ACOX1: variants seen among roughly 807,000 people sequenced by gnomAD.
The protein encoded by ACOX1 is peroxisomal acyl-coenzyme A oxidase 1.
ACOX1 carries 41 observed loss-of-function variants against 75.5 expected under a neutral mutation model. The observed-to-expected ratio is 0.54, with a 90% CI of 0.42 to 0.70. The LOEUF (loss-of-function observed/expected upper bound fraction) is 0.70, where lower values mean the gene tolerates loss of function less well. Ranked by LOEUF, ACOX1 falls within the 30% of genes least tolerant of loss-of-function variation. The pLI is 0.00. For synonymous variants in ACOX1, 303 were observed against 298.8 expected, an observed-to-expected ratio of 1.01 and a Z score of -0.15; for missense variants, 630 against 837.5, an observed-to-expected ratio of 0.75 and a Z score of 3.06.
At chr17:75,974,052 A>G (rs983679543) in intron 2 of ACOX1, among the ~76,000 whole-genome samples, 1 of 152,012 alleles carries the variant, frequency 6.6e-6, no homozygotes, top group Non-Finnish European at 1.5e-5. Context: ...AATTCTACCT[A>G]AGTTTTAGCA....
chr17:75,961,847 T>C (rs2065891663), intron 2 of ACOX1, among the ~76,000 whole-genome samples: 1 of 151,478 alleles, frequency 6.6e-6, no homozygotes, highest in Non-Finnish European at 1.5e-5. Context: ...CTACTTGGGA[T>C]GCTGAGGCAG....
intron 4 of ACOX1, 125 bp downstream of exon 4, chr17:75,957,334 G>C (rs1244657250): frequency 2.3e-6 from 2 of 860,212 alleles, no homozygotes; most frequent in Non-Finnish European, 3.9e-6. Flanking sequence ...GCCCACCTCA[G>C]CCTCCCAAAG....
At chr17:75,971,089 C>T (rs532158008) in intron 2 of ACOX1, among the ~76,000 whole-genome samples, 33 of 151,804 alleles carry the variant, frequency 2.2e-4, no homozygotes, top group Non-Finnish European at 4.0e-4. Context: ...GTCGGGAGTT[C>T]GAGACCAGCC....
rs1449739693 is a variant in ACOX1, at chr17:75,946,724, G to A, written c.*24C>T. The A allele has an allele frequency of 1.2e-6, 2 of 1,611,728 alleles. No individual in the cohort carries two copies. The highest frequency in any genetic ancestry group is 1.7e-6 in the Non-Finnish European group (2 of 1,177,964). On this transcript the variant is annotated 3_prime_UTR_variant, in exon 14 of 14. Transcript: ENST00000293217. ...TTGCACACAGGCGCTTTCTGAAGCAGATTAAACTTGTCCTTGTGACACTTC... is the reference window on the plus strand; with the variant it reads ...TTGCACACAGGCGCTTTCTGAAGCAAATTAAACTTGTCCTTGTGACACTTC...
chr17:75,978,274 C>G lies in ACOX1; in HGVS notation c.269+260G>C, dbSNP rs1424020267. Among the ~76,000 whole-genome samples, 1 of 151,894 alleles carries G rather than the reference C, an allele frequency of 6.6e-6. No homozygotes were observed. Among genetic ancestry groups the G allele is most frequent in the Non-Finnish European group, 1.5e-5 (1 of 67,974 alleles). On this transcript the variant is annotated intron_variant, in intron 2 of 13. Coordinates refer to ENST00000293217, the MANE Select transcript of ACOX1 (RefSeq NM_004035.7). The surrounding 1 kb of genome is among the most constrained non-coding windows in gnomAD (Gnocchi z 4.2). ...CACGCCCGGCTAATTTTTGTATTTT[C>G]AGTAGAGATGGGGTTTCACCGTGTT...
intron 2 of ACOX1, among the ~76,000 whole-genome samples, chr17:75,975,050 CAAAAAAAAAA>C (rs1022347068): frequency 5.0e-5 from 2 of 40,272 alleles, no homozygotes; most frequent in Non-Finnish European, 9.5e-5. Context: ...ACTCTGTCTC[CAAAAAAAAAA>C]AAAAAAAAAA....
intron 7 of ACOX1, 54 bp downstream of exon 7, chr17:75,953,397 A>G: frequency 6.3e-7 from 1 of 1,599,962 alleles, no homozygotes; most frequent in Non-Finnish European, 8.6e-7. Context: ...TGGGATCTGA[A>G]TGGGGTAAAA....
intron 2 of ACOX1, among the ~76,000 whole-genome samples, chr17:75,969,099 T>G (rs1337111307): frequency 6.6e-6 from 1 of 152,152 alleles, no homozygotes; most frequent in Non-Finnish European, 1.5e-5. Context: ...TCCCTCAATA[T>G]AGTAATTCAT....
intron 2 of ACOX1, among the ~76,000 whole-genome samples, chr17:75,964,477 C>T (rs1567882989): frequency 6.6e-6 from 1 of 152,182 alleles, no homozygotes; most frequent in Non-Finnish European, 1.5e-5. Context: ...GGAAGATTTA[C>T]ATCTGAGTGT....
chr17:75,952,814 G>A (rs1461572516), intron 7 of ACOX1, among the ~76,000 whole-genome samples: 1 of 145,164 alleles, frequency 6.9e-6, no homozygotes, highest in African/African-American at 2.6e-5. Context: ...CTGGGCAACA[G>A]AGTGAGAATC....
chr17:75,964,178 CA>C (rs60919786), intron 2 of ACOX1, among the ~76,000 whole-genome samples: 40,832 of 84,564 alleles, frequency 0.48, 7,689 homozygotes, highest in African/African-American at 0.69. Flanking sequence ...GACTCCATCT[CA>C]AAAAAAAAAA....
intron 2 of ACOX1, among the ~76,000 whole-genome samples, chr17:75,964,178 C>CAAAAAA (rs60919786): frequency 2.4e-5 from 2 of 84,500 alleles, no homozygotes; most frequent in African/African-American, 8.3e-5. Context: ...GACTCCATCT[C>CAAAAAA]AAAAAAAAAA....
rs3744035 is a variant in ACOX1, at chr17:75,978,865, T to C, written c.109+100A>G. On this transcript the variant is annotated intron_variant, in intron 1 of 13. Coordinates refer to ENST00000293217, the MANE Select transcript of ACOX1 (RefSeq NM_004035.7). This position sits in a 1 kb window ranked among gnomAD's most constrained non-coding sequence, Gnocchi z 4.2. ...GTGGGGGTCCCGGCTCCCCTAACGC[T>C]GGGCCAGAGGGCCTAGGCCCCACAG... 0.017 allele frequency: 27,689 copies of C among 1,598,294 alleles called. 601 individuals are homozygous for C. The highest frequency in any genetic ancestry group is 0.13 in the East Asian group (5,786 of 44,766).
Position 75,958,280 on chromosome 17 carries a change from G to A in ACOX1, c.431-714C>T, listed in dbSNP as rs183756042. On this transcript the variant is annotated intron_variant, in intron 3 of 13. Coordinates refer to ENST00000293217, the MANE Select transcript of ACOX1 (RefSeq NM_004035.7). ...AGGCAGGAGAATTGCTTGAACCCGG[G>A]AGGTGGAGGTTGCAGTGAGCCAAGA... 1.5e-3 allele frequency among the ~76,000 whole-genome samples: 230 copies of A among 149,540 alleles called. 2 individuals carry two copies. The highest frequency in any genetic ancestry group is 0.015 in the South Asian group (70 of 4,762).
chr17:75,967,695 T>C (rs549613393), intron 2 of ACOX1, among the ~76,000 whole-genome samples: 21 of 136,258 alleles, frequency 1.5e-4, no homozygotes, highest in Non-Finnish European at 2.3e-4. Context: ...TATATATACA[T>C]ACATATATAT....
rs1019883355 is a variant in ACOX1, at chr17:75,976,991, CTTTTTTT to C, written c.269+1536_269+1542del. ...TTTGTTTAGGTTAAGGCAAAAAAGT[CTTTTTTT>C]TTTTTTTTTTTTTTTTTGAGACAGA... is the stretch of plus-strand genomic sequence containing the variant. On this transcript the variant is annotated intron_variant, in intron 2 of 13. Transcript: ENST00000293217. Among the ~76,000 whole-genome samples the C allele has an allele frequency of 3.0e-3, 234 of 78,882 alleles. 2 individuals are homozygous for C. The highest frequency in any genetic ancestry group is 0.011 in the African/African-American group (219 of 19,790). The allele number at this position is 78,882 out of a possible 152,430, so 51.7% of individuals were successfully genotyped here. A position where few individuals can be genotyped will look rare whatever the true frequency, so the allele number is the denominator to read the frequency against.
chr17:75,975,427 G>A (rs1229666857), intron 2 of ACOX1, among the ~76,000 whole-genome samples: 2 of 152,184 alleles, frequency 1.3e-5, no homozygotes, highest in Admixed American at 6.5e-5. Flanking sequence ...CCAAAGTGCT[G>A]GGATTACAGG....
At chr17:75,965,268 G>A (rs1020635348) in intron 2 of ACOX1, among the ~76,000 whole-genome samples, 3 of 150,512 alleles carry the variant, frequency 2.0e-5, no homozygotes, top group East Asian at 2.0e-4. Flanking sequence ...AACCCAGGAG[G>A]CGGAGCTGGC....
rs1243266071 is a variant in ACOX1, at chr17:75,945,768, TTTTG to T, written c.*976_*979del. On this transcript the variant is annotated 3_prime_UTR_variant, in exon 14 of 14. Transcript: ENST00000293217. ...CATTTTTCTAACTATAGTTTTTTGT[TTTTG>T]TTTTTTCCCAGTTGTTAAAAAAAAA... 6.5e-6 allele frequency: 1 copy of T among 153,540 alleles called. No homozygotes were observed. The highest frequency in any genetic ancestry group is 1.5e-5 in the Non-Finnish European group (1 of 68,030). 9.5% of individuals were successfully genotyped at this position (153,540 alleles called of 1,614,324 possible).
Sources: gnomAD v4.1 joint callset for allele counts (sites outside exome capture counted in the v4.1 genomes callset) on GRCh38, gnomAD v4.1.1 for gene constraint, Gnocchi (gnomAD v3.1) non-coding constraint, MANE v1.5 for transcripts, NCBI Gene and HGNC (gene_info 2026-07-23, HGNC 2026-07-21) for gene names.